Variants in SMARCAD1 observed in about 807,000 individuals in gnomAD.
SMARCAD1 encodes SWI/SNF-related matrix-associated actin-dependent regulator of chromatin subfamily A containing DEAD/H box 1.
In SMARCAD1, 25 loss-of-function variants were observed where a neutral mutation model predicts 127.1. That is an observed-to-expected ratio of 0.20 (90% CI 0.14 to 0.27). The LOEUF is 0.27. Ranked by LOEUF, SMARCAD1 falls within the 10% of genes least tolerant of loss-of-function variation. The pLI is 1.00. For synonymous variants in SMARCAD1, 400 were observed against 396.9 expected, an observed-to-expected ratio of 1.01 and a Z score of -0.09; for missense variants, 807 against 1,206.0, an observed-to-expected ratio of 0.67 and a Z score of 4.90.
At position 94,277,148 on chromosome 4, in the gene SMARCAD1, T is replaced by C; in HGVS notation, c.2071T>C (p.Ser691Pro). Residue 691 changes from serine (S) to proline (P), a missense_variant, in exon 16 of 24, where the codon TCC (serine) becomes CCC (proline). Ser to Pro is a moderately conservative substitution (Grantham distance 74, BLOSUM62 -1). Coordinates refer to ENST00000354268, the MANE Select transcript of SMARCAD1 (RefSeq NM_020159.5). ...SSTSEIRRMF[S>P]SKTKSADEQS... ...CACCAGTGAAATACGAAGAATGTTTTCCTCTAAGACAGTAAGCATAAATGC... is the reference window on the plus strand; with the variant it reads ...CACCAGTGAAATACGAAGAATGTTTCCCTCTAAGACAGTAAGCATAAATGC... 6.2e-7 allele frequency: 1 copy of C among 1,614,052 alleles called. No homozygotes were observed. The highest frequency in any genetic ancestry group is 1.7e-4 in the Middle Eastern group (1 of 6,060).
At chr4:94,238,296 G>GACCTTGAGCAGTGTTGCTTGACTCC (rs1747021064) in intron 5 of SMARCAD1, among the ~76,000 whole-genome samples, 1 of 152,116 alleles carries the variant, frequency 6.6e-6, no homozygotes, top group South Asian at 2.1e-4. Flanking sequence ...ATAGCTGTGT[G>GACCTTGAGCAGTGTTGCTTGACTCC]ACCTTGAGCA....
At chr4:94,248,445 T>C (rs1203745393) in intron 6 of SMARCAD1, 1 of 456,138 alleles carries the variant, frequency 2.2e-6, no homozygotes, top group Admixed American at 2.3e-5. Context: ...TTGTTGTCCA[T>C]CTGTGAGCTT....
intron 3 of SMARCAD1, among the ~76,000 whole-genome samples, chr4:94,229,236 T>C (rs1220853002): frequency 6.6e-6 from 1 of 152,204 alleles, no homozygotes; most frequent in East Asian, 1.9e-4. Context: ...AGTTGTAGTA[T>C]CTATTGATTT....
At chr4:94,212,090 C>T (rs4693375) in intron 2 of SMARCAD1, among the ~76,000 whole-genome samples, 3 of 151,962 alleles carry the variant, frequency 2.0e-5, no homozygotes, top group African/African-American at 2.4e-5. Flanking sequence ...ACTGGCTTGT[C>T]GTAGGCCCTC....
chr4:94,278,302 A>AG (rs1223304735), intron 16 of SMARCAD1, 120 bp from the exon 17 acceptor site: 2 of 866,172 alleles, frequency 2.3e-6, no homozygotes, highest in Admixed American at 4.3e-5. Context: ...GAATGAATCA[A>AG]GTTTCTGCAG....
intron 9 of SMARCAD1, among the ~76,000 whole-genome samples, chr4:94,263,265 G>A (rs866225017): frequency 2.0e-5 from 3 of 152,064 alleles, no homozygotes; most frequent in South Asian, 4.2e-4. Flanking sequence ...GCATGAGATT[G>A]GTTTATGGCC....
At chr4:94,248,062 A>G (rs1436595952) in intron 6 of SMARCAD1, among the ~76,000 whole-genome samples, 1 of 152,098 alleles carries the variant, frequency 6.6e-6, no homozygotes, top group Non-Finnish European at 1.5e-5. Flanking sequence ...ACGTGTACCC[A>G]ATGTTTAGCT....
At chr4:94,265,799 C>G (rs758352631) in intron 10 of SMARCAD1, among the ~76,000 whole-genome samples, 2 of 151,904 alleles carry the variant, frequency 1.3e-5, no homozygotes, top group African/African-American at 2.4e-5. Flanking sequence ...TATGGTATAT[C>G]CATACTTTGC....
Position 94,290,162 on chromosome 4 carries a change from A to G in SMARCAD1, c.*628A>G, listed in dbSNP as rs1755505580. On this transcript the variant is annotated 3_prime_UTR_variant, in exon 24 of 24. Transcript: ENST00000354268. ...AAACAAATTTATTTGGCTAGGCACT[A>G]AGTTGTTTTCCAGTGAATAGTAACT... 2.2e-6 allele frequency: 1 copy of G among 454,376 alleles called. No individual in the cohort carries two copies. Among genetic ancestry groups the G allele is most frequent in the Non-Finnish European group, 4.4e-6 (1 of 226,768 alleles). The allele number at this position is 454,376 out of a possible 1,614,324, so 28.1% of individuals were successfully genotyped here. A position where few individuals can be genotyped will look rare whatever the true frequency, so the allele number is the denominator to read the frequency against.
At chr4:94,246,205 C>T (rs1257759715) in intron 6 of SMARCAD1, among the ~76,000 whole-genome samples, 2 of 151,818 alleles carry the variant, frequency 1.3e-5, no homozygotes, top group East Asian at 1.9e-4. Context: ...CCGCAACCTC[C>T]GCCTCCCGGG....
In SMARCAD1 at chr4:94,207,927, T is replaced by C; in HGVS notation, c.-193T>C. On this transcript the variant is annotated 5_prime_UTR_variant, in exon 1 of 24. Coordinates refer to ENST00000354268, the MANE Select transcript of SMARCAD1 (RefSeq NM_020159.5). ...CCGCCGCTCCCCTTCTTTGGCCCCTTTGTGTCCCCGCAGTGTCGAGGCGCG... is the reference window on the plus strand; with the variant it reads ...CCGCCGCTCCCCTTCTTTGGCCCCTCTGTGTCCCCGCAGTGTCGAGGCGCG... 1 of 346,520 alleles carries C rather than the reference T, an allele frequency of 2.9e-6. No homozygotes were observed. The highest frequency in any genetic ancestry group is 5.7e-6 in the Non-Finnish European group (1 of 175,696). The allele number at this position is 346,520 out of a possible 1,614,324, so 21.5% of individuals were successfully genotyped here.
At chr4:94,232,341 G>C (rs998589340) in intron 3 of SMARCAD1, among the ~76,000 whole-genome samples, 3 of 152,174 alleles carry the variant, frequency 2.0e-5, no homozygotes, top group African/African-American at 7.2e-5. Flanking sequence ...GTGACCACCA[G>C]AAGAGTAAAT....
chr4:94,288,767 C>G (rs1755320022), intron 23 of SMARCAD1, among the ~76,000 whole-genome samples: 4 of 152,076 alleles, frequency 2.6e-5, no homozygotes, highest in Non-Finnish European at 5.9e-5. Context: ...GAATTGCCAC[C>G]TGTGCTGTTG....
intron 10 of SMARCAD1, among the ~76,000 whole-genome samples, chr4:94,267,573 A>G (rs1449586275): frequency 2.0e-5 from 3 of 152,126 alleles, no homozygotes; most frequent in African/African-American, 4.8e-5. Flanking sequence ...TTTAAACCCA[A>G]TTGAATTTTC....
At position 94,281,605 on chromosome 4, in the gene SMARCAD1, T is replaced by C. The variant is rs1754029583; in HGVS notation, c.2726+15T>C. On this transcript the variant is annotated intron_variant, in intron 21 of 23. Transcript: ENST00000354268. ...ATTTCTGAAAGGTTGGTATAATTCA[T>C]GTTAGTTACAAAAAAATAACTCATT... 2.8e-6 allele frequency: 4 copies of C among 1,437,508 alleles called. No individual in the cohort carries two copies. The highest frequency in any genetic ancestry group is 3.9e-6 in the Non-Finnish European group (4 of 1,019,948). The allele number at this position is 1,437,508 out of a possible 1,614,324, so 89.0% of individuals were successfully genotyped here.
chr4:94,224,646 C>T (rs565649496), intron 2 of SMARCAD1, among the ~76,000 whole-genome samples: 6 of 152,278 alleles, frequency 3.9e-5, no homozygotes, highest in South Asian at 4.1e-4. Flanking sequence ...ACAGATACAG[C>T]TCGTGAGCCC....
In SMARCAD1 at chr4:94,276,448, C is replaced by T; in HGVS notation, c.1918C>T (p.Arg640Cys). The change falls in exon 15 of 24, where the codon CGC becomes TGC. Residue 640 changes from arginine (R) to cysteine (C), a missense_variant. Around this residue, in one of 8 missense-constraint regions of SMARCAD1, gnomAD observed 148 missense variants for 313.2 expected, o/e 0.47. Coordinates refer to ENST00000354268, the MANE Select transcript of SMARCAD1 (RefSeq NM_020159.5). ...TATGCTGAAGAATATGGGCTCCATT[C>T]GCTACCAGCACCTTATGACAATTAA... Reference protein sequence around the residue: ...GHMLKNMGSIRYQHLMTINAN... With the variant: ...GHMLKNMGSICYQHLMTINAN... 1.2e-6 allele frequency: 2 copies of T among 1,614,042 alleles called. No homozygotes were observed. The highest frequency in any genetic ancestry group is 1.7e-6 in the Non-Finnish European group (2 of 1,180,006).
intron 21 of SMARCAD1, among the ~76,000 whole-genome samples, chr4:94,282,918 TG>T (rs2126005106): frequency 6.6e-6 from 1 of 152,242 alleles, no homozygotes; most frequent in East Asian, 1.9e-4. Context: ...AAGTAAGAGT[TG>T]GTAGGGGTAG....
intron 22 of SMARCAD1, among the ~76,000 whole-genome samples, chr4:94,283,601 G>A (rs564785513): frequency 1.1e-4 from 17 of 152,262 alleles, no homozygotes; most frequent in African/African-American, 3.9e-4. Context: ...TGAGGCGGGC[G>A]GATCATGAGT....
Sources: allele counts gnomAD v4.1 joint callset (sites outside exome capture counted in the v4.1 genomes callset), GRCh38; gene constraint gnomAD v4.1.1; regional missense constraint gnomAD v4.1.1; transcripts MANE v1.5; gene names NCBI Gene and HGNC (gene_info 2026-07-23, HGNC 2026-07-21).